The following VSTM5 variants were observed in gnomAD, a reference collection of about 807,000 sequenced individuals.
VSTM5 encodes the protein V-set and transmembrane domain containing 5, also known as V-set and transmembrane domain-containing protein 5.
A neutral mutation model predicts 20.3 loss-of-function variants in VSTM5; 21 were observed. The ratio of observed to expected loss-of-function variants is 1.03; its 90% CI spans 0.73 to 1.49. The LOEUF (loss-of-function observed/expected upper bound fraction) is 1.49, where lower values mean the gene tolerates loss of function less well. VSTM5 is among the 40% of genes most tolerant of loss of function. The pLI, the probability that VSTM5 is intolerant of heterozygous loss-of-function variation, is 0.00. For synonymous variants in VSTM5, 100 were observed against 102.5 expected (o/e 0.98, Z 0.14); for missense variants, 219 against 250.0 (o/e 0.88, Z 0.84).
Position 93,820,531 on chromosome 11 carries a change from T to G in VSTM5, c.*38A>C. The stretch of plus-strand genomic sequence containing the variant: ...TTGCTCTTTTTGTTGGAGAATGGTT[T>G]CCTCTTGAGGTAGGAATGCAGTCAG... On this transcript the variant is annotated 3_prime_UTR_variant, in exon 4 of 4. Transcript: ENST00000409977. 2 of 1,550,968 alleles carry G rather than the reference T, an allele frequency of 1.3e-6. No homozygotes were observed. Among genetic ancestry groups the G allele is most frequent in the Non-Finnish European group, 1.7e-6 (2 of 1,146,432 alleles).
chr11:93,832,669 T>C (rs1265892731), intron 1 of VSTM5, among the ~76,000 whole-genome samples: 1 of 152,224 alleles, frequency 6.6e-6, no homozygotes, highest in Non-Finnish European at 1.5e-5. Context: ...CCATGAGCAT[T>C]ACCTCAGTCT....
chr11:93,845,072 A>G (rs1162107700), intron 1 of VSTM5, among the ~76,000 whole-genome samples: 4 of 152,196 alleles, frequency 2.6e-5, no homozygotes, highest in Admixed American at 1.3e-4. Context: ...AGCTGTTTCC[A>G]TAGGATCAGA....
At chr11:93,841,558 T>C (rs192795457) in intron 1 of VSTM5, among the ~76,000 whole-genome samples, 89 of 152,358 alleles carry the variant, frequency 5.8e-4, no homozygotes, top group African/African-American at 1.8e-3. Flanking sequence ...CTGAACCAGA[T>C]TGCAGGGCCC....
chr11:93,821,456 G>C (rs1944185482), intron 1 of VSTM5, 133 bp from the exon 2 acceptor site: 2 of 876,162 alleles, frequency 2.3e-6, no homozygotes, highest in South Asian at 3.6e-5. Context: ...TCTAGGTTCT[G>C]GTGCTTAAGC....
At chr11:93,831,530 T>C (rs61276777) in intron 1 of VSTM5, among the ~76,000 whole-genome samples, 1,694 of 152,260 alleles carry the variant, frequency 0.011, 36 homozygotes, top group African/African-American at 0.038. Flanking sequence ...GCTCAGGTGG[T>C]AATTCCCCCT....
chr11:93,825,310 T>C (rs1476749028), intron 1 of VSTM5, among the ~76,000 whole-genome samples: 1 of 152,120 alleles, frequency 6.6e-6, no homozygotes, highest in Non-Finnish European at 1.5e-5. Context: ...GCTGGGACTA[T>C]AGGTGTGCAC....
chr11:93,850,548 C>G lies in VSTM5; in HGVS notation c.-46G>C, dbSNP rs976946771. 1 of 1,432,134 alleles carries G rather than the reference C, an allele frequency of 7.0e-7. No homozygotes were observed. The highest frequency in any genetic ancestry group is 9.5e-7 in the Non-Finnish European group (1 of 1,051,510). The allele number at this position is 1,432,134 out of a possible 1,614,324, so 88.7% of individuals were successfully genotyped here. A position where few individuals can be genotyped will look rare whatever the true frequency, so the allele number is the denominator to read the frequency against. On this transcript the variant is annotated 5_prime_UTR_variant, in exon 1 of 4. Coordinates refer to ENST00000409977, the MANE Select transcript of VSTM5 (RefSeq NM_001144871.2). Reference sequence around the variant, plus strand: ...GGGCCGGGGTGTGTGCTGGCCGCACCGCGCTGCAGCTCCTATGCAGCCTTC... The same window carrying G: ...GGGCCGGGGTGTGTGCTGGCCGCACGGCGCTGCAGCTCCTATGCAGCCTTC...
At chr11:93,849,472 C>A (rs1944440735) in intron 1 of VSTM5, among the ~76,000 whole-genome samples, 1 of 152,172 alleles carries the variant, frequency 6.6e-6, no homozygotes, top group South Asian at 2.1e-4. Context: ...CATTTCTGTG[C>A]CTCAGTTTCC....
intron 1 of VSTM5, among the ~76,000 whole-genome samples, chr11:93,847,009 C>T (rs1944419316): frequency 1.3e-5 from 2 of 152,106 alleles, no homozygotes; most frequent in African/African-American, 2.4e-5. Flanking sequence ...TTGTGATCCG[C>T]CCGGCTCGGC....
At chr11:93,823,271 A>G (rs1350305379) in intron 1 of VSTM5, among the ~76,000 whole-genome samples, 1 of 151,194 alleles carries the variant, frequency 6.6e-6, no homozygotes, top group Non-Finnish European at 1.5e-5. Flanking sequence ...CCTGGCCTCA[A>G]CCTCCCAGAG....
At chr11:93,844,547 G>A (rs773253393) in intron 1 of VSTM5, among the ~76,000 whole-genome samples, 2 of 152,142 alleles carry the variant, frequency 1.3e-5, no homozygotes, top group Non-Finnish European at 2.9e-5. Flanking sequence ...CAACTAGTTA[G>A]ACTGCATACA....
intron 1 of VSTM5, among the ~76,000 whole-genome samples, chr11:93,835,992 C>T (rs1591400652): frequency 6.6e-6 from 1 of 152,012 alleles, no homozygotes; most frequent in African/African-American, 2.4e-5. Flanking sequence ...ATGTATAATC[C>T]CATCTCCCAG....
At chr11:93,848,964 C>T (rs1944435657) in intron 1 of VSTM5, among the ~76,000 whole-genome samples, 1 of 152,152 alleles carries the variant, frequency 6.6e-6, no homozygotes, top group African/African-American at 2.4e-5. Flanking sequence ...TCGAGACTAA[C>T]AACCAACTGT....
chr11:93,830,797 G>A (rs1164257124), intron 1 of VSTM5, among the ~76,000 whole-genome samples: 2 of 151,452 alleles, frequency 1.3e-5, no homozygotes, highest in African/African-American at 4.9e-5. Flanking sequence ...TCACTACTGA[G>A]GCTGGAGTGC....
At chr11:93,844,748 G>A (rs1944400226) in intron 1 of VSTM5, among the ~76,000 whole-genome samples, 2 of 152,096 alleles carry the variant, frequency 1.3e-5, no homozygotes, top group Non-Finnish European at 2.9e-5. Context: ...ATTCCAAACC[G>A]AGCTAACTGC....
chr11:93,821,053 G>T lies in VSTM5; in HGVS notation c.362C>A (p.Thr121Asn). 1 of 1,551,760 alleles carries T rather than the reference G, an allele frequency of 6.4e-7. No individual in the cohort carries two copies. Among genetic ancestry groups the T allele is most frequent in the Non-Finnish European group, 8.7e-7 (1 of 1,147,016 alleles). ...GVRDSGYYVI[T>N]VTERLGSSQF... ...GCTGCTCCCCAGGCGCTCCGTCACG[G>T]TGATGACATAGTAGCCGGAATCCCT... is the stretch of plus-strand genomic sequence containing the variant. The change falls in exon 2 of 4, where the codon ACC becomes AAC. Residue 121 changes from threonine to asparagine, a missense_variant. Transcript: ENST00000409977.
chr11:93,828,385 T>A (rs1334693063), intron 1 of VSTM5, among the ~76,000 whole-genome samples: 1 of 152,236 alleles, frequency 6.6e-6, no homozygotes, highest in African/African-American at 2.4e-5. Flanking sequence ...TGAAACCACC[T>A]ACCGAGCAAT....
chr11:93,820,662 T>C, intron 3 of VSTM5, 50 bp from the exon 4 acceptor site: 1 of 1,551,700 alleles, frequency 6.4e-7, no homozygotes, highest in South Asian at 1.2e-5. Flanking sequence ...CACATAGTGC[T>C]TTCTTCGTGA....
At chr11:93,837,109 G>GCAA (rs1326766924) in intron 1 of VSTM5, among the ~76,000 whole-genome samples, 1 of 151,480 alleles carries the variant, frequency 6.6e-6, no homozygotes, top group East Asian at 1.9e-4. Context: ...TTGGCTCACT[G>GCAA]CAACCTCCAC....
Sources: gnomAD v4.1 joint callset for allele counts (sites outside exome capture counted in the v4.1 genomes callset) on GRCh38, gnomAD v4.1.1 for gene constraint, MANE v1.5 for transcripts, NCBI Gene and HGNC (gene_info 2026-07-23, HGNC 2026-07-21) for gene names.